Variants in MSH3 observed in about 807,000 individuals in gnomAD.
MSH3 encodes mutS homolog 3, also known as DNA mismatch repair protein Msh3.
In MSH3, 106 loss-of-function variants were observed where a neutral mutation model predicts 123.3. The ratio of observed to expected loss-of-function variants is 0.86; its 90% CI spans 0.73 to 1.01. MSH3 has a LOEUF of 1.01. Among genes scored for constraint, MSH3 ranks in the 50% least tolerant of loss-of-function variants. MSH3 has a pLI of 0.00. For missense variants in MSH3, 1,459 were observed against 1,347.6 expected (o/e 1.08, Z -1.29); for synonymous variants, 515 against 481.4 (o/e 1.07, Z -0.91).
At chr5:80,685,599 A>C (rs920023069) in intron 8 of MSH3, among the ~76,000 whole-genome samples, 3 of 151,798 alleles carry the variant, frequency 2.0e-5, no homozygotes, top group Non-Finnish European at 4.4e-5. Context: ...TTATCTTTTC[A>C]AAAAACTAAC....
chr5:80,722,022 A>G (rs956225928), intron 8 of MSH3, among the ~76,000 whole-genome samples: 6 of 152,092 alleles, frequency 3.9e-5, no homozygotes, highest in African/African-American at 9.7e-5. Flanking sequence ...AATTTGTTTA[A>G]CTGTTTTTGT....
intron 1 of MSH3, 29 bp from the exon 2 acceptor site, chr5:80,656,382 C>G: frequency 6.2e-7 from 1 of 1,613,532 alleles, no homozygotes. Context: ...GTAGAGATAA[C>G]ACATCATTTT....
At chr5:80,810,110 A>C (rs1214251789) in intron 19 of MSH3, among the ~76,000 whole-genome samples, 1 of 148,110 alleles carries the variant, frequency 6.8e-6, no homozygotes, top group African/African-American at 2.5e-5. Context: ...CCTACATGGT[A>C]ACCATTATCC....
rs541445642 is a variant in MSH3, at chr5:80,786,668, G to C, written c.2436-897G>C. Among the ~76,000 whole-genome samples, 3 of 152,108 alleles carry C rather than the reference G, an allele frequency of 2.0e-5. No individual in the cohort carries two copies. The South Asian group carries it at 6.2e-4, about 32-fold the overall frequency. ...GCCATTCTTAAAAATTAAGTTTTGG[G>C]TCCTTTTTGTAGTTTAATTATGTAC... On this transcript the variant is annotated intron_variant, in intron 17 of 23. Transcript: ENST00000265081.
intron 17 of MSH3, among the ~76,000 whole-genome samples, chr5:80,785,869 T>C (rs1372229814): frequency 1.3e-5 from 2 of 152,134 alleles, no homozygotes; most frequent in Non-Finnish European, 2.9e-5. Flanking sequence ...GAAATCATCC[T>C]TCTCAGTAAA....
At chr5:80,842,722 T>C (rs962960806) in intron 20 of MSH3, among the ~76,000 whole-genome samples, 1 of 152,208 alleles carries the variant, frequency 6.6e-6, no homozygotes, top group East Asian at 1.9e-4. Context: ...TATTGGTGTA[T>C]AGGAATGCTT....
At chr5:80,722,896 G>A (rs1359501824) in intron 8 of MSH3, among the ~76,000 whole-genome samples, 1 of 152,102 alleles carries the variant, frequency 6.6e-6, no homozygotes, top group Non-Finnish European at 1.5e-5. Flanking sequence ...CTTGAGTCCA[G>A]GAGTTTGACA....
intron 20 of MSH3, among the ~76,000 whole-genome samples, chr5:80,838,097 G>A (rs143008652): frequency 7.2e-5 from 11 of 152,280 alleles, no homozygotes; most frequent in Non-Finnish European, 1.2e-4. Context: ...TCATATAATC[G>A]TGAAATTAAT....
intron 3 of MSH3, 68 bp downstream of exon 3, chr5:80,665,431 T>C (rs957977998): frequency 1.7e-6 from 2 of 1,166,446 alleles, no homozygotes; most frequent in African/African-American, 3.0e-5. Context: ...TGTCAGGTTC[T>C]CTGAGGTCAT....
chr5:80,759,216 G>T (rs544710066), intron 12 of MSH3, among the ~76,000 whole-genome samples: 1 of 152,182 alleles, frequency 6.6e-6, no homozygotes, highest in African/African-American at 2.4e-5. Context: ...GAAAGACAGT[G>T]AAGTAGTAAA....
At chr5:80,818,352 T>C (rs112352814) in intron 20 of MSH3, among the ~76,000 whole-genome samples, 2 of 115,140 alleles carry the variant, frequency 1.7e-5, no homozygotes, top group Non-Finnish European at 3.3e-5. Flanking sequence ...TGGGAAACTA[T>C]AGGACAAATG....
At chr5:80,759,563 G>T (rs1477876060) in intron 12 of MSH3, among the ~76,000 whole-genome samples, 3 of 152,134 alleles carry the variant, frequency 2.0e-5, no homozygotes, top group African/African-American at 7.2e-5. Flanking sequence ...GAGCTAAACA[G>T]GCATCAGTTG....
intron 13 of MSH3, among the ~76,000 whole-genome samples, chr5:80,763,794 A>G (rs1744081204): frequency 6.6e-6 from 1 of 152,246 alleles, no homozygotes; most frequent in Non-Finnish European, 1.5e-5. Context: ...TGTATTGCAC[A>G]GGGTTTGTGT....
At chr5:80,839,518 C>T (rs888569839) in intron 20 of MSH3, among the ~76,000 whole-genome samples, 4 of 152,078 alleles carry the variant, frequency 2.6e-5, no homozygotes, top group African/African-American at 7.2e-5. Context: ...CATCCTAGAA[C>T]AATATTTCCT....
At chr5:80,655,078 G>T (rs1033669589) in intron 1 of MSH3, 114 bp downstream of exon 1, 1 of 627,228 alleles carries the variant, frequency 1.6e-6, no homozygotes, top group Non-Finnish European at 2.5e-6. Context: ...AGGAGGAAGG[G>T]GCGGGCTGAA....
chr5:80,778,784 C>T lies in MSH3; in HGVS notation c.2383C>T (p.Leu795Phe), dbSNP rs768661033. The change falls in exon 17 of 24, where the codon CTC becomes TTC. Residue 795 changes from leucine to phenylalanine, a missense_variant. Coordinates refer to ENST00000265081, the MANE Select transcript of MSH3 (RefSeq NM_002439.5). ...IVENYRHLNQ[L>F]REQLVLDCSA... ...AGAAAATTACAGACATCTGAATCAG[C>T]TCCGGGAGCAGCTAGTCCTTGACTG... The T allele has an allele frequency of 6.8e-6, 11 of 1,613,230 alleles. No homozygotes were observed. Among genetic ancestry groups the T allele is most frequent in the South Asian group, 5.5e-5 (5 of 91,068 alleles).
In MSH3 at chr5:80,812,584, C is replaced by CTTTTTTTT. The variant is rs11415035; in HGVS notation, c.2656-990_2656-983dup. Among the ~76,000 whole-genome samples the CTTTTTTTT allele has an allele frequency of 6.5e-5, 8 of 123,680 alleles. 3 individuals are homozygous for CTTTTTTTT. The highest frequency in any genetic ancestry group is 1.1e-4 in the Non-Finnish European group (7 of 61,284). The allele number at this position is 123,680 out of a possible 152,430, so 81.1% of individuals were successfully genotyped here. ...AGCTAGGCCCATTGGCTGGTTCTGGCTTTTTTTTTTTTTTTTTGAGATGGA... is the reference window on the plus strand; with the variant it reads ...AGCTAGGCCCATTGGCTGGTTCTGGCTTTTTTTTTTTTTTTTTTTTTTTTTGAGATGGA... On this transcript the variant is annotated intron_variant, in intron 19 of 23. Transcript: ENST00000265081.
rs374904719 is a variant in MSH3, at chr5:80,654,743, C to G, written c.16C>G (p.Pro6Ala). The change falls in exon 1 of 24, where the codon CCT becomes GCT. Residue 6 changes from proline (P) to alanine (A), a missense_variant. Pro to Ala is a conservative substitution (Grantham distance 27). Transcript: ENST00000265081. ...TTGCCCTGCCATGTCTCGCCGGAAG[C>G]CTGCGTCGGGCGGCCTCGCTGCCTC... The part of the protein sequence containing the change: MSRRK[P>A]ASGGLAASSS... 5 of 1,602,146 alleles carry G rather than the reference C, an allele frequency of 3.1e-6. No individual in the cohort carries two copies. Among genetic ancestry groups the G allele is most frequent in the South Asian group, 1.1e-5 (1 of 90,350 alleles).
chr5:80,820,714 C>A (rs185023405), intron 20 of MSH3, among the ~76,000 whole-genome samples: 22 of 152,264 alleles, frequency 1.4e-4, no homozygotes, highest in African/African-American at 5.1e-4. Flanking sequence ...CTCAAAAAGT[C>A]ATCAAATTTC....
Sources: allele counts gnomAD v4.1 joint callset (sites outside exome capture counted in the v4.1 genomes callset), GRCh38; gene constraint gnomAD v4.1.1; transcripts MANE v1.5; gene names NCBI Gene and HGNC (gene_info 2026-07-23, HGNC 2026-07-21).